The following CRISPLD2 variants were observed in gnomAD, a reference collection of about 807,000 sequenced individuals.
The protein encoded by CRISPLD2 is cysteine-rich secretory protein LCCL domain-containing 2.
Under a neutral mutation model 71.1 loss-of-function variants are expected in CRISPLD2, and 47 were observed. The ratio of observed to expected loss-of-function variants is 0.66; its 90% CI spans 0.52 to 0.84. The LOEUF (loss-of-function observed/expected upper bound fraction) is 0.84. Ranked by LOEUF, CRISPLD2 falls within the 40% of genes least tolerant of loss-of-function variation. The pLI, the probability that CRISPLD2 is intolerant of heterozygous loss-of-function variation, is 0.00. For synonymous variants in CRISPLD2, 317 were observed against 250.1 expected, an observed-to-expected ratio of 1.27 and a Z score of -2.52; for missense variants, 830 against 651.1, an observed-to-expected ratio of 1.27 and a Z score of -2.99.
chr16:84,898,874 C>T (rs1398995014), intron 14 of CRISPLD2, among the ~76,000 whole-genome samples: 1 of 152,110 alleles, frequency 6.6e-6, no homozygotes, highest in Non-Finnish European at 1.5e-5. Context: ...GCCTGGGCAA[C>T]ATAAGTGAGA....
In CRISPLD2 at chr16:84,886,923, C is replaced by G. The variant is rs533545940; in HGVS notation, c.1306-2307C>G. Among the ~76,000 whole-genome samples the G allele has an allele frequency of 2.8e-3, 419 of 152,350 alleles. 4 individuals are homozygous for G. Among genetic ancestry groups the G allele is most frequent in the African/African-American group, 9.8e-3 (409 of 41,588 alleles). ...TGTAATGGGTTCGACCTCCAGAACT[C>G]TTTTGTCTTGCAAATCTGAAACCCT... On this transcript the variant is annotated intron_variant, in intron 13 of 14. Transcript: ENST00000262424.
intron 3 of CRISPLD2, among the ~76,000 whole-genome samples, chr16:84,848,666 C>T (rs1309892203): frequency 6.6e-6 from 1 of 152,130 alleles, no homozygotes; most frequent in Non-Finnish European, 1.5e-5. Flanking sequence ...GTCTCCAACT[C>T]CTGACCTCAG....
chr16:84,874,952 A>T (rs1038523794), intron 11 of CRISPLD2, among the ~76,000 whole-genome samples: 1 of 152,216 alleles, frequency 6.6e-6, no homozygotes, highest in Non-Finnish European at 1.5e-5. Context: ...TTAAATAATT[A>T]TGTGTCTGGC....
chr16:84,903,525 G>A (rs1207943722), intron 14 of CRISPLD2, among the ~76,000 whole-genome samples: 1 of 151,660 alleles, frequency 6.6e-6, no homozygotes, highest in African/African-American at 2.4e-5. Context: ...CTGGGAGGCG[G>A]CGGTTGCAAT....
At chr16:84,867,975 G>A (rs1917588605) in intron 7 of CRISPLD2, among the ~76,000 whole-genome samples, 1 of 152,186 alleles carries the variant, frequency 6.6e-6, no homozygotes, top group Admixed American at 6.5e-5. Context: ...CGGGGGCTGT[G>A]GAGGGGCGTT....
chr16:84,889,478 G>A (rs2071642428), intron 14 of CRISPLD2, 115 bp downstream of exon 14: 1 of 1,129,254 alleles, frequency 8.9e-7, no homozygotes, highest in Non-Finnish European at 1.2e-6. Flanking sequence ...GGGTAGACTT[G>A]CACGAATTCT....
chr16:84,906,499 A>T, intron 14 of CRISPLD2, 89 bp from the exon 15 acceptor site: 1 of 1,363,916 alleles, frequency 7.3e-7, no homozygotes, highest in Non-Finnish European at 1.0e-6. Context: ...AGCAAGCAGG[A>T]GGCACCCAGG....
At chr16:84,906,467 G>C in intron 14 of CRISPLD2, 121 bp from the exon 15 acceptor site, 1 of 952,244 alleles carries the variant, frequency 1.1e-6, no homozygotes. Context: ...GTGTCCCTTG[G>C]CCATGGCTCT....
At chr16:84,882,169 TACAA>T (rs1430104711) in intron 13 of CRISPLD2, among the ~76,000 whole-genome samples, 2 of 151,894 alleles carry the variant, frequency 1.3e-5, no homozygotes, top group Non-Finnish European at 2.9e-5. Context: ...CCCAGCCAAA[TACAA>T]ACAAACACAT....
chr16:84,901,727 C>T (rs1201011065), intron 14 of CRISPLD2, among the ~76,000 whole-genome samples: 3 of 150,662 alleles, frequency 2.0e-5, no homozygotes, highest in African/African-American at 7.3e-5. Flanking sequence ...ATCCACCTGC[C>T]TCAACCTCTC....
intron 6 of CRISPLD2, 76 bp downstream of exon 6, chr16:84,854,905 A>C: frequency 1.7e-6 from 2 of 1,155,484 alleles, no homozygotes; most frequent in Non-Finnish European, 1.3e-6. Flanking sequence ...TACATGAAAC[A>C]GGGGAATTAA....
intron 13 of CRISPLD2, among the ~76,000 whole-genome samples, chr16:84,885,808 CCTT>C (rs1264410151): frequency 2.9e-5 from 4 of 138,328 alleles, no homozygotes; most frequent in Non-Finnish European, 6.3e-5. Flanking sequence ...ATGTTGGATC[CCTT>C]CTTTTTTTTT....
At chr16:84,875,206 A>G (rs1727612680) in intron 11 of CRISPLD2, among the ~76,000 whole-genome samples, 1 of 151,788 alleles carries the variant, frequency 6.6e-6, no homozygotes, top group Admixed American at 6.6e-5. Context: ...ATGCCACTAC[A>G]CTCCAGCCTG....
Position 84,849,537 on chromosome 16 carries a change from C to G in CRISPLD2, c.492+20C>G, listed in dbSNP as rs199841126. On this transcript the variant is annotated intron_variant, in intron 4 of 14. Coordinates refer to ENST00000262424, the MANE Select transcript of CRISPLD2 (RefSeq NM_031476.4). ...ACACAGGTAACTCGGGGACTTGCCA[C>G]GACCTCAGCCCTGCCCCCCAATCCC... is the stretch of plus-strand genomic sequence containing the variant. 6.8e-6 allele frequency: 11 copies of G among 1,611,476 alleles called. No homozygotes were observed. The highest frequency in any genetic ancestry group is 1.7e-5 in the Admixed American group (1 of 59,960).
intron 2 of CRISPLD2, 60 bp downstream of exon 2, chr16:84,838,795 TGCTCTGTTCCCCAGCCA>T (rs960407187): frequency 3.1e-5 from 48 of 1,555,510 alleles, no homozygotes; most frequent in African/African-American, 1.4e-4. Context: ...GCCACCAGCC[TGCTCTGTTCCCCAGCCA>T]GCTCTGTTCC....
intron 7 of CRISPLD2, among the ~76,000 whole-genome samples, chr16:84,867,622 A>G (rs1917577205): frequency 6.6e-6 from 1 of 152,240 alleles, no homozygotes; most frequent in Non-Finnish European, 1.5e-5. Context: ...GTTGGAGTCC[A>G]GTGGCATGAT....
chr16:84,859,445 G>T lies in CRISPLD2; in HGVS notation c.709+4616G>T, dbSNP rs117588777. 1.5e-3 allele frequency among the ~76,000 whole-genome samples: 235 copies of T among 152,282 alleles called. 1 individual carries two copies. The highest frequency in any genetic ancestry group is 5.4e-3 in the African/African-American group (225 of 41,548). ...CCAGTGCACGGTTTCCCTGGTACAA[G>T]GCCAGAGGTCTCCCCGGGGAAGTAT... On this transcript the variant is annotated intron_variant, in intron 6 of 14. Coordinates refer to ENST00000262424, the MANE Select transcript of CRISPLD2 (RefSeq NM_031476.4).
At chr16:84,868,385 TTGG>T (rs1917599613) in intron 7 of CRISPLD2, among the ~76,000 whole-genome samples, 3 of 152,202 alleles carry the variant, frequency 2.0e-5, no homozygotes, top group African/African-American at 7.2e-5. Flanking sequence ...AAAAGGCATC[TTGG>T]CGATGGGGGA....
chr16:84,851,580 G>GA (rs1047403228), intron 5 of CRISPLD2, among the ~76,000 whole-genome samples: 12 of 152,236 alleles, frequency 7.9e-5, no homozygotes, highest in African/African-American at 2.9e-4. Context: ...AGGAAAAATA[G>GA]AAGCCCTCTC....
Sources: allele counts gnomAD v4.1 joint callset (sites outside exome capture counted in the v4.1 genomes callset), GRCh38; gene constraint gnomAD v4.1.1; transcripts MANE v1.5; gene names NCBI Gene and HGNC (gene_info 2026-07-23, HGNC 2026-07-21).